KRT73: variants seen among roughly 807,000 people sequenced by gnomAD.
KRT73 encodes the protein keratin, type II cytoskeletal 73.
Under a neutral mutation model 47.2 loss-of-function variants are expected in KRT73, and 44 were observed. The observed-to-expected ratio is 0.93, with a 90% confidence interval of 0.73 to 1.20. The LOEUF (loss-of-function observed/expected upper bound fraction) is 1.20, where lower values mean the gene tolerates loss of function less well. KRT73 is among the 50% of genes most tolerant of loss of function. The probability of loss-of-function intolerance (pLI) is 0.00; values close to 1 mark genes in which losing one functional copy is unlikely to be tolerated. For missense variants in KRT73, 713 were observed against 704.5 expected, an observed-to-expected ratio of 1.01 and a Z score of -0.14; for synonymous variants, 285 against 291.3, an observed-to-expected ratio of 0.98 and a Z score of 0.22.
At chr12:52,614,087 G>A (rs1370284964) in intron 4 of KRT73, 2 of 496,412 alleles carry the variant, frequency 4.0e-6, no homozygotes, top group East Asian at 3.5e-5. Context: ...TGTCCCCTGA[G>A]ACAGGACAGG....
At chr12:52,621,291 G>A (rs1021783340), upstream of KRT73, among the ~76,000 whole-genome samples, 16 of 44,318 alleles carry the variant, frequency 3.6e-4, no homozygotes, top group Non-Finnish European at 4.0e-4. Flanking sequence ...GAGAAAGAAA[G>A]GGGGGGGGGG....
At position 52,618,471 on chromosome 12, in the gene KRT73, G is replaced by T. The variant is rs74778340; in HGVS notation, c.54C>A (p.Ser18Arg). ...KSGAAAKGGF[S>R]GCSAVLSGGS... The stretch of plus-strand genomic sequence containing the variant: ...CCCCTGAGAGCACAGCGGAGCAGCC[G>T]CTGAAGCCCCCCTTGGCAGCAGCTC... Residue 18 changes from serine (S) to arginine (R), a missense_variant, in exon 1 of 9, where the codon AGC (serine) becomes AGA (arginine). Coordinates refer to ENST00000305748, the MANE Select transcript of KRT73 (RefSeq NM_175068.3). 6.2e-7 allele frequency: 1 copy of T among 1,612,762 alleles called. No individual in the cohort carries two copies. The highest frequency in any genetic ancestry group is 1.7e-5 in the Admixed American group (1 of 59,856).
At chr12:52,611,394 G>C (rs967533805) in intron 5 of KRT73, 65 bp from the exon 6 acceptor site, 8 of 1,600,792 alleles carry the variant, frequency 5.0e-6, no homozygotes, top group Non-Finnish European at 6.8e-6. Flanking sequence ...GCCTGGTACA[G>C]AGACTGTGCC....
chr12:52,613,516 G>T, intron 5 of KRT73, 172 bp downstream of exon 5: 1 of 1,271,758 alleles, frequency 7.9e-7, no homozygotes. Context: ...ATCTAAGTGG[G>T]TGCCAAGGAC....
intron 4 of KRT73, 56 bp downstream of exon 4, chr12:52,614,523 T>C: frequency 1.4e-6 from 2 of 1,462,564 alleles, no homozygotes; most frequent in East Asian, 2.3e-5. Flanking sequence ...AAACTGTTCA[T>C]CACATATCTG....
In KRT73 at chr12:52,613,569, A is replaced by G. The variant is rs147680909; in HGVS notation, c.984+119T>C. The stretch of plus-strand genomic sequence containing the variant: ...TCCCCTTTGGCTTCCCCCAGTGCCC[A>G]GGAGAGTGCTGTGCTCCCAGCAAGC... On this transcript the variant is annotated intron_variant, in intron 5 of 8. Coordinates refer to ENST00000305748, the MANE Select transcript of KRT73 (RefSeq NM_175068.3). 7.5e-5 allele frequency: 115 copies of G among 1,526,168 alleles called. No individual in the cohort carries two copies. In the East Asian group the frequency reaches 2.4e-3, roughly 32 times the overall value. 94.5% of individuals were successfully genotyped at this position (1,526,168 alleles called of 1,614,324 possible). A position where few individuals can be genotyped will look rare whatever the true frequency, so the allele number is the denominator to read the frequency against.
chr12:52,623,111 G>C (rs585122), upstream of KRT73, among the ~76,000 whole-genome samples: 1 of 152,110 alleles, frequency 6.6e-6, no homozygotes, highest in African/African-American at 2.4e-5. Flanking sequence ...GGCAAAAGAC[G>C]TAAACCCACA....
In KRT73 at chr12:52,608,306, A is replaced by T. The variant is rs765876131; in HGVS notation, c.1513T>A (p.Cys505Ser). The stretch of plus-strand genomic sequence containing the variant: ...GTCCTGGCTTCCCCACGGGGGCTAC[A>T]GTTCCCACTGCCAGTGACACAGCCC... The part of the protein sequence containing the change: ...PGGCVTGSGN[C>S]SPRGEARTRL... The change falls in exon 9 of 9, where the codon TGT (cysteine) becomes AGT (serine). Residue 505 changes from cysteine (C) to serine (S), a missense_variant. By Grantham distance (112) the Cys-to-Ser change is moderately radical. Coordinates refer to ENST00000305748, the MANE Select transcript of KRT73 (RefSeq NM_175068.3). 6.2e-7 allele frequency: 1 copy of T among 1,613,998 alleles called. No homozygotes were observed. Among genetic ancestry groups the T allele is most frequent in the Admixed American group, 1.7e-5 (1 of 60,008 alleles).
At chr12:52,620,816 T>C (rs1000072587), upstream of KRT73, among the ~76,000 whole-genome samples, 12 of 152,214 alleles carry the variant, frequency 7.9e-5, no homozygotes, top group Non-Finnish European at 1.5e-4. Flanking sequence ...CCACATGTTG[T>C]TTGTTGTCCA....
At position 52,618,216 on chromosome 12, in the gene KRT73, A is replaced by AC. The variant is rs1406947958; in HGVS notation, c.308dup (p.Ile104TyrfsTer21). On this transcript the variant is annotated frameshift_variant, in exon 1 of 9. Transcript: ENST00000305748. LOFTEE classifies it high-confidence loss of function. Reference sequence around the variant, plus strand: ...TCTTGTTGATGGTGACCTGATGGATACCCCCGGGCGGGCACAACGACGGAC... The same window carrying AC: ...TCTTGTTGATGGTGACCTGATGGATACCCCCCGGGCGGGCACAACGACGGAC... 6.2e-7 allele frequency: 1 copy of AC among 1,613,842 alleles called. No homozygotes were observed. The highest frequency in any genetic ancestry group is 8.5e-7 in the Non-Finnish European group (1 of 1,179,982).
intron 8 of KRT73, among the ~76,000 whole-genome samples, chr12:52,608,983 G>A (rs1940640696): frequency 1.3e-5 from 2 of 152,210 alleles, no homozygotes; most frequent in Non-Finnish European, 2.9e-5. Context: ...AGAGGGGAGG[G>A]GCTGAGAGTT....
At chr12:52,618,013 G>T (rs530856485) in intron 1 of KRT73, 65 bp downstream of exon 1, 2 of 1,502,054 alleles carry the variant, frequency 1.3e-6, no homozygotes, top group South Asian at 2.5e-5. Flanking sequence ...ACAAATTAGG[G>T]CAGTGGCTCC....
upstream of KRT73, among the ~76,000 whole-genome samples, chr12:52,622,670 G>A (rs1021407647): frequency 5.9e-5 from 9 of 152,116 alleles, no homozygotes; most frequent in Non-Finnish European, 7.3e-5. Context: ...TCTCCCTTCC[G>A]CTCCTTGCTG....
At position 52,616,163 on chromosome 12, in the gene KRT73, C is replaced by T. The variant is rs757707933; in HGVS notation, c.662+3G>A. On this transcript the variant is annotated splice_donor_region_variant and intron_variant, in intron 2 of 8. Coordinates refer to ENST00000305748, the MANE Select transcript of KRT73 (RefSeq NM_175068.3). ...GACCAGCCTGGAGTGGCGTCCTGCT[C>T]ACCTCTTCTTGTAGTCCTCCACCAC... 5 of 1,613,902 alleles carry T rather than the reference C, an allele frequency of 3.1e-6. No individual in the cohort carries two copies. The highest frequency in any genetic ancestry group is 4.2e-6 in the Non-Finnish European group (5 of 1,179,932).
chr12:52,629,185 T>C, the KRT73 span, among the ~76,000 whole-genome samples: 1 of 152,326 alleles, frequency 6.6e-6, no homozygotes, highest in African/African-American at 2.4e-5. Context: ...CACAGTGGCC[T>C]GAGAGCTGAA....
At chr12:52,625,912 A>G in the KRT73 span, among the ~76,000 whole-genome samples, 1 of 152,168 alleles carries the variant, frequency 6.6e-6, no homozygotes, top group African/African-American at 2.4e-5. Context: ...GATTCCATTT[A>G]TGTAATACTC....
intron 1 of KRT73, among the ~76,000 whole-genome samples, chr12:52,617,468 G>C (rs1174288349): frequency 1.3e-5 from 2 of 152,134 alleles, no homozygotes; most frequent in Non-Finnish European, 2.9e-5. Flanking sequence ...GCTGGTTCCA[G>C]GGCCACCTTT....
upstream of KRT73, among the ~76,000 whole-genome samples, chr12:52,623,476 A>C (rs1265864022): frequency 6.6e-6 from 1 of 152,230 alleles, no homozygotes; most frequent in Non-Finnish European, 1.5e-5. Flanking sequence ...GAATGGCTAA[A>C]GTAAGTTCTC....
In KRT73 at chr12:52,610,702, C is replaced by CGCA. The variant is rs1940680798; in HGVS notation, c.1241_1243dup (p.Leu414dup). On this transcript the variant is annotated inframe_insertion, in exon 7 of 9. Coordinates refer to ENST00000305748, the MANE Select transcript of KRT73 (RefSeq NM_175068.3). ...CACGCTCAAAAGCTCTTGGTACTCG[C>CGCA]GCAGCATCCGTGCCAGCTCCTCCTT... The CGCA allele has an allele frequency of 1.2e-6, 2 of 1,613,824 alleles. No individual in the cohort carries two copies. The highest frequency in any genetic ancestry group is 2.7e-5 in the African/African-American group (2 of 74,846).
Sources: allele counts gnomAD v4.1 joint callset (sites outside exome capture counted in the v4.1 genomes callset), GRCh38; gene constraint gnomAD v4.1.1; transcripts MANE v1.5; gene names NCBI Gene and HGNC (gene_info 2026-07-23, HGNC 2026-07-21).